The following PRKG1 variants were observed in gnomAD, a reference collection of about 807,000 sequenced individuals.
PRKG1 encodes cGMP-dependent protein kinase 1.
A neutral mutation model predicts 88.1 loss-of-function variants in PRKG1; 35 were observed. The ratio of observed to expected loss-of-function variants is 0.40; its 90% CI spans 0.30 to 0.53. The LOEUF (loss-of-function observed/expected upper bound fraction) is 0.53, where lower values mean the gene tolerates loss of function less well. PRKG1 is among the 20% of genes least tolerant of loss of function. PRKG1 has a pLI of 0.59. For missense variants in PRKG1, 540 were observed against 839.8 expected, an observed-to-expected ratio of 0.64 and a Z score of 4.41; for synonymous variants, 303 against 292.5, an observed-to-expected ratio of 1.04 and a Z score of -0.37.
rs372661595 is a variant in PRKG1, at chr10:51,050,934, C to T, written c.266+59290C>T. Among the ~76,000 whole-genome samples, 14 of 151,974 alleles carry T rather than the reference C, an allele frequency of 9.2e-5. No individual in the cohort carries two copies. In the South Asian group the frequency reaches 1.0e-3, roughly 11 times the overall value. On this transcript the variant is annotated intron_variant, in intron 1 of 17. Transcript: ENST00000401604. The stretch of plus-strand genomic sequence containing the variant: ...AATACCTTTTCATATACTTCATGGC[C>T]GTTTGTGTGTCTTTTTTTGAAGAAA...
intron 8 of PRKG1, among the ~76,000 whole-genome samples, chr10:52,144,472 G>A (rs545989104): frequency 6.6e-6 from 1 of 152,272 alleles, no homozygotes; most frequent in African/African-American, 2.4e-5. Context: ...TTAAGATACT[G>A]CTGCAGTAGT....
intron 3 of PRKG1, among the ~76,000 whole-genome samples, chr10:51,763,208 G>A (rs115490707): frequency 9.9e-4 from 151 of 152,008 alleles, no homozygotes; most frequent in African/African-American, 3.3e-3. Context: ...AGGATGTTAC[G>A]TTATATGTAT....
At chr10:51,332,802 C>T (rs1212588116) in intron 2 of PRKG1, among the ~76,000 whole-genome samples, 1 of 152,186 alleles carries the variant, frequency 6.6e-6, no homozygotes. Context: ...GGACTACTCT[C>T]CTTGTGCCCT....
intron 1 of PRKG1, among the ~76,000 whole-genome samples, chr10:51,124,399 G>T (rs1234515868): frequency 1.3e-5 from 2 of 152,044 alleles, no homozygotes; most frequent in East Asian, 3.9e-4. Flanking sequence ...GATGGAGAGG[G>T]TCTTTTTCTT....
At chr10:51,295,096 A>G (rs1395873189) in intron 2 of PRKG1, among the ~76,000 whole-genome samples, 1 of 152,098 alleles carries the variant, frequency 6.6e-6, no homozygotes, top group Non-Finnish European at 1.5e-5. Flanking sequence ...GAGGAAAAAA[A>G]AAAGGATTGC....
At chr10:51,612,583 G>C (rs1838940104) in intron 3 of PRKG1, among the ~76,000 whole-genome samples, 1 of 151,928 alleles carries the variant, frequency 6.6e-6, no homozygotes, top group Non-Finnish European at 1.5e-5. Flanking sequence ...GGGACAATTT[G>C]ACTTTCTCCT....
intron 3 of PRKG1, among the ~76,000 whole-genome samples, chr10:51,481,069 A>T (rs773497453): frequency 6.6e-6 from 1 of 152,112 alleles, no homozygotes; most frequent in Non-Finnish European, 1.5e-5. Flanking sequence ...GAATTAATCT[A>T]TCTTTCTGAA....
At chr10:52,016,718 C>T (rs910549738) in intron 5 of PRKG1, among the ~76,000 whole-genome samples, 1 of 151,714 alleles carries the variant, frequency 6.6e-6, no homozygotes, top group Non-Finnish European at 1.5e-5. Context: ...GAGGATGCAA[C>T]AGTGAAAAAA....
intron 2 of PRKG1, among the ~76,000 whole-genome samples, chr10:51,338,168 C>G (rs1388196486): frequency 2.0e-5 from 3 of 152,130 alleles, no homozygotes; most frequent in Non-Finnish European, 2.9e-5. Context: ...ACAATGAGAA[C>G]ACATGGACAC....
intron 8 of PRKG1, among the ~76,000 whole-genome samples, chr10:52,139,008 G>A (rs1460832004): frequency 5.9e-5 from 9 of 152,042 alleles, no homozygotes; most frequent in South Asian, 2.1e-4. Context: ...AGAGAAAAAC[G>A]TCACTGGAGT....
chr10:51,601,843 G>A (rs7093004), intron 3 of PRKG1, among the ~76,000 whole-genome samples: 11,675 of 139,182 alleles, frequency 0.084, 1,524 homozygotes, highest in African/African-American at 0.28. Flanking sequence ...GAGAAATAAG[G>A]GAAGCATGTT....
At chr10:52,047,889 T>C (rs539011533) in intron 5 of PRKG1, among the ~76,000 whole-genome samples, 2 of 152,236 alleles carry the variant, frequency 1.3e-5, no homozygotes, top group East Asian at 3.9e-4. Flanking sequence ...AAGAATAAGG[T>C]ACAAACCATG....
chr10:51,823,587 T>C (rs187740798), intron 4 of PRKG1, among the ~76,000 whole-genome samples: 41 of 151,130 alleles, frequency 2.7e-4, no homozygotes, highest in Admixed American at 1.2e-3. Context: ...TTATGACACA[T>C]GTCAGAGAAT....
At chr10:51,607,727 C>G (rs767695933) in intron 3 of PRKG1, among the ~76,000 whole-genome samples, 1 of 152,170 alleles carries the variant, frequency 6.6e-6, no homozygotes, top group Non-Finnish European at 1.5e-5. Context: ...GAAATGATGA[C>G]TACATTTTGC....
chr10:51,637,640 C>G (rs1170369585), intron 3 of PRKG1, among the ~76,000 whole-genome samples: 4 of 152,140 alleles, frequency 2.6e-5, no homozygotes, highest in African/African-American at 9.7e-5. Flanking sequence ...GAGTTGGAAG[C>G]CATTATCCTC....
At chr10:51,539,530 T>C (rs561876729) in intron 3 of PRKG1, among the ~76,000 whole-genome samples, 16 of 152,336 alleles carry the variant, frequency 1.1e-4, no homozygotes, top group African/African-American at 3.6e-4. Flanking sequence ...TTTGGAGCTA[T>C]AGGCTGACCT....
chr10:52,277,198 T>C (rs187946106), intron 12 of PRKG1, among the ~76,000 whole-genome samples: 2 of 152,162 alleles, frequency 1.3e-5, no homozygotes, highest in East Asian at 1.9e-4. Flanking sequence ...TGGCAGGCAA[T>C]AAAAGGGTAA....
At chr10:51,190,189 A>G (rs1352187928) in intron 2 of PRKG1, among the ~76,000 whole-genome samples, 2 of 151,954 alleles carry the variant, frequency 1.3e-5, no homozygotes, top group Non-Finnish European at 2.9e-5. Context: ...TAACTGTACA[A>G]CTAATTACAT....
intron 2 of PRKG1, among the ~76,000 whole-genome samples, chr10:51,162,825 C>T (rs969940510): frequency 7.2e-5 from 11 of 152,138 alleles, no homozygotes; most frequent in Non-Finnish European, 1.3e-4. Flanking sequence ...TTTAAGAATC[C>T]TCCTGCCTTT....
Sources: allele counts gnomAD v4.1 joint callset (sites outside exome capture counted in the v4.1 genomes callset), GRCh38; gene constraint gnomAD v4.1.1; transcripts MANE v1.5; gene names NCBI Gene and HGNC (gene_info 2026-07-23, HGNC 2026-07-21).